CAMK1D: variants seen among roughly 807,000 people sequenced by gnomAD.
CAMK1D encodes the protein calcium/calmodulin dependent protein kinase ID.
Under a neutral mutation model 47.7 loss-of-function variants are expected in CAMK1D, and 9 were observed. That is an observed-to-expected ratio of 0.19 (90% CI 0.11 to 0.33). The LOEUF (loss-of-function observed/expected upper bound fraction) is 0.33, where lower values mean the gene tolerates loss of function less well. Ranked by LOEUF, CAMK1D falls within the 10% of genes least tolerant of loss-of-function variation. The probability of loss-of-function intolerance (pLI) is 1.00; values close to 1 mark genes in which losing one functional copy is unlikely to be tolerated. For synonymous variants in CAMK1D, 184 were observed against 184.9 expected, an observed-to-expected ratio of 0.99 and a Z score of 0.04; for missense variants, 291 against 488.7, an observed-to-expected ratio of 0.60 and a Z score of 3.81.
chr10:12,430,079 C>G (rs1286931722), intron 1 of CAMK1D, among the ~76,000 whole-genome samples: 1 of 152,062 alleles, frequency 6.6e-6, no homozygotes. Flanking sequence ...CTTTGTCATA[C>G]ATAATGACAA....
At chr10:12,710,594 T>G (rs538003505) in intron 3 of CAMK1D, among the ~76,000 whole-genome samples, 1 of 152,300 alleles carries the variant, frequency 6.6e-6, no homozygotes, top group South Asian at 2.1e-4. Context: ...TCCTGCAAGT[T>G]GTGGGATGGG....
intron 1 of CAMK1D, among the ~76,000 whole-genome samples, chr10:12,532,415 G>A (rs889568179): frequency 6.6e-6 from 1 of 151,266 alleles, no homozygotes; most frequent in African/African-American, 2.4e-5. Context: ...AAGTAGCTGG[G>A]ACTACAGGCG....
rs75092338 is a variant in CAMK1D at position 12,772,194 on chromosome 10, T to C, written c.565+2395T>C. Among the ~76,000 whole-genome samples, 781 of 152,034 alleles carry C rather than the reference T, an allele frequency of 5.1e-3. 30 individuals carry two copies. In the East Asian group the frequency reaches 0.055, roughly 11 times the overall value. On this transcript the variant is annotated intron_variant, in intron 5 of 10. Coordinates refer to ENST00000619168, the MANE Select transcript of CAMK1D (RefSeq NM_153498.4). ...TGACGGGAGGAAAGAGTGTGTGTGG[T>C]ATATTCATGGAATTTCTCCAGCTCG...
At chr10:12,650,586 G>A (rs1457082455) in intron 2 of CAMK1D, among the ~76,000 whole-genome samples, 1 of 152,128 alleles carries the variant, frequency 6.6e-6, no homozygotes, top group Admixed American at 6.5e-5. Flanking sequence ...CCGCAATGCC[G>A]TTCCAGGGTC....
At chr10:12,687,611 A>G (rs13376955) in intron 3 of CAMK1D, among the ~76,000 whole-genome samples, 4,315 of 152,316 alleles carry the variant, frequency 0.028, 210 homozygotes, top group African/African-American at 0.097. Context: ...AACCAAAGGC[A>G]TATGTACAGC....
chr10:12,366,013 A>G lies in CAMK1D; in HGVS notation c.92+16103A>G, dbSNP rs547932742. ...GGAGGCTGCAGTGAGCAGAGATCGC[A>G]CCAATGCACTCCAGTCTGGGTGACA... On this transcript the variant is annotated intron_variant, in intron 1 of 10. Transcript: ENST00000619168. Among the ~76,000 whole-genome samples, 10 of 152,318 alleles carry G rather than the reference A, an allele frequency of 6.6e-5. No individual in the cohort carries two copies. The East Asian group carries it at 1.9e-3, about 30-fold the overall frequency.
At chr10:12,627,593 A>G (rs760853062) in intron 2 of CAMK1D, among the ~76,000 whole-genome samples, 9 of 152,152 alleles carry the variant, frequency 5.9e-5, no homozygotes, top group Admixed American at 1.3e-4. Flanking sequence ...TTGTATGGCC[A>G]CATATTATTT....
chr10:12,685,546 C>T (rs1381173133), intron 3 of CAMK1D, among the ~76,000 whole-genome samples: 1 of 152,126 alleles, frequency 6.6e-6, no homozygotes, highest in Admixed American at 6.5e-5. Flanking sequence ...GTACGACTTG[C>T]TTAGCCAGTA....
chr10:12,662,116 G>A (rs370320645), intron 2 of CAMK1D, among the ~76,000 whole-genome samples: 1 of 152,156 alleles, frequency 6.6e-6, no homozygotes. Flanking sequence ...ATACCATGGA[G>A]CTCTGACATG....
intron 3 of CAMK1D, among the ~76,000 whole-genome samples, chr10:12,715,206 T>C (rs529053919): frequency 2.0e-4 from 30 of 152,322 alleles, no homozygotes; most frequent in African/African-American, 6.0e-4. Context: ...CTTGATGATA[T>C]ATTTCCCCAT....
chr10:12,730,042 G>A (rs767240641), intron 3 of CAMK1D, among the ~76,000 whole-genome samples: 37 of 152,164 alleles, frequency 2.4e-4, no homozygotes, highest in Non-Finnish European at 4.6e-4. Flanking sequence ...TCCCACTTGC[G>A]TTTGAACAGA....
At chr10:12,746,363 C>CAAAAAAAAAAA (rs542434085) in intron 3 of CAMK1D, among the ~76,000 whole-genome samples, 4 of 86,828 alleles carry the variant, frequency 4.6e-5, no homozygotes, top group African/African-American at 4.9e-5. Flanking sequence ...GACTCCGTCT[C>CAAAAAAAAAAA]AAAAAAAAAA....
At chr10:12,704,349 T>C (rs1443544718) in intron 3 of CAMK1D, among the ~76,000 whole-genome samples, 1 of 152,212 alleles carries the variant, frequency 6.6e-6, no homozygotes, top group Non-Finnish European at 1.5e-5. Context: ...ATTGTAACCA[T>C]GATCATTATT....
At chr10:12,588,368 C>T (rs1267284970) in intron 2 of CAMK1D, among the ~76,000 whole-genome samples, 2 of 152,054 alleles carry the variant, frequency 1.3e-5, no homozygotes, top group Non-Finnish European at 2.9e-5. Context: ...TCCTTAAGGG[C>T]TTTTAGTCAC....
At chr10:12,728,633 A>G (rs1213546131) in intron 3 of CAMK1D, among the ~76,000 whole-genome samples, 1 of 152,182 alleles carries the variant, frequency 6.6e-6, no homozygotes, top group Non-Finnish European at 1.5e-5. Context: ...ATAAGGGGAT[A>G]ATGGCTTTGC....
chr10:12,680,951 T>G (rs1840973437), intron 3 of CAMK1D, among the ~76,000 whole-genome samples: 1 of 151,958 alleles, frequency 6.6e-6, no homozygotes, highest in Non-Finnish European at 1.5e-5. Flanking sequence ...TGGCCTGCCT[T>G]CCTTGTTTCT....
At chr10:12,576,277 A>G (rs1349185565) in intron 2 of CAMK1D, among the ~76,000 whole-genome samples, 1 of 152,070 alleles carries the variant, frequency 6.6e-6, no homozygotes, top group African/African-American at 2.4e-5. Flanking sequence ...GTACCTGAGT[A>G]TTTTGTACTG....
At chr10:12,606,579 G>C (rs1279052283) in intron 2 of CAMK1D, among the ~76,000 whole-genome samples, 1 of 152,180 alleles carries the variant, frequency 6.6e-6, no homozygotes, top group Non-Finnish European at 1.5e-5. Context: ...CCTCTGTGGA[G>C]TCTCCCTTTG....
chr10:12,546,955 T>C (rs1836397741), intron 1 of CAMK1D, among the ~76,000 whole-genome samples: 1 of 151,908 alleles, frequency 6.6e-6, no homozygotes, highest in Non-Finnish European at 1.5e-5. Flanking sequence ...ACTTAAAGTA[T>C]AATAATAATT....
Sources: gnomAD v4.1 joint callset for allele counts (sites outside exome capture counted in the v4.1 genomes callset) on GRCh38, gnomAD v4.1.1 for gene constraint, MANE v1.5 for transcripts, NCBI Gene and HGNC (gene_info 2026-07-23, HGNC 2026-07-21) for gene names.